Variants in BLTP3A observed in about 807,000 individuals in gnomAD.
BLTP3A encodes bridge-like lipid transfer protein family member 3A.
the BLTP3A span, among the ~76,000 whole-genome samples, chr6:34,861,312 G>A: frequency 1.3e-5 from 2 of 152,098 alleles, no homozygotes; most frequent in Non-Finnish European, 2.9e-5. Context: ...TTTTGGTAGA[G>A]ATGGGGTTTT....
chr6:34,821,516 C>G, the BLTP3A span: 1 of 816,448 alleles, frequency 1.2e-6, no homozygotes, highest in African/African-American at 1.7e-5. Context: ...TTCCTTCACT[C>G]CCACTGCTTC....
At chr6:34,826,415 G>A in the BLTP3A span, among the ~76,000 whole-genome samples, 2 of 150,958 alleles carry the variant, frequency 1.3e-5, no homozygotes, top group African/African-American at 2.4e-5. Context: ...CTGGAGTGCG[G>A]TGGTGCAGTC....
chr6:34,859,229 G>T, the BLTP3A span: 14 of 1,613,942 alleles, frequency 8.7e-6, no homozygotes, highest in Non-Finnish European at 1.1e-5. Flanking sequence ...CAGGACTCAG[G>T]TCCACTTGCC....
At chr6:34,852,083 G>A in the BLTP3A span, among the ~76,000 whole-genome samples, 1,287 of 151,918 alleles carry the variant, frequency 8.5e-3, 19 homozygotes, top group African/African-American at 0.027. Flanking sequence ...GCCTGGAATC[G>A]GGGACCCCAG....
At chr6:34,823,366 C>G in the BLTP3A span, 1 of 1,597,142 alleles carries the variant, frequency 6.3e-7, no homozygotes, top group Non-Finnish European at 8.6e-7. Flanking sequence ...TCTTTGAACC[C>G]TGTTATTTCC....
At chr6:34,875,045 C>CT in the BLTP3A span, 4 of 152,648 alleles carry the variant, frequency 2.6e-5, no homozygotes, top group African/African-American at 9.7e-5. Flanking sequence ...CTCTAGGGCT[C>CT]TATCTCATAG....
At chr6:34,864,329 AAAAG>A in the BLTP3A span, 2 of 983,380 alleles carry the variant, frequency 2.0e-6, no homozygotes, top group Non-Finnish European at 2.9e-6. Context: ...TCAAGACAAA[AAAAG>A]AGAGACAGAG....
At chr6:34,825,039 C>G in the BLTP3A span, among the ~76,000 whole-genome samples, 1 of 152,090 alleles carries the variant, frequency 6.6e-6, no homozygotes, top group African/African-American at 2.4e-5. Flanking sequence ...GGGTGATAGG[C>G]CTTTTAAAGC....
the BLTP3A span, chr6:34,867,489 GA>G: frequency 6.2e-7 from 1 of 1,614,190 alleles, no homozygotes; most frequent in Non-Finnish European, 8.5e-7. Flanking sequence ...TCCTGAAGGT[GA>G]ATGAGGTGTC....
At chr6:34,820,454 C>T in the BLTP3A span, among the ~76,000 whole-genome samples, 20,126 of 151,866 alleles carry the variant, frequency 0.13, 1,533 homozygotes, top group African/African-American at 0.2. Context: ...CATTGCTTTT[C>T]ATTTAATAGT....
chr6:34,830,544 C>G, the BLTP3A span, among the ~76,000 whole-genome samples: 1 of 150,980 alleles, frequency 6.6e-6, no homozygotes, highest in Non-Finnish European at 1.5e-5. Flanking sequence ...GAGCCGAGAT[C>G]ACACCACTGC....
the BLTP3A span, among the ~76,000 whole-genome samples, chr6:34,852,191 G>T: frequency 6.6e-6 from 1 of 152,108 alleles, no homozygotes; most frequent in Non-Finnish European, 1.5e-5. Flanking sequence ...CAAGCAGGAG[G>T]AGTCTCTCCT....
the BLTP3A span, among the ~76,000 whole-genome samples, chr6:34,853,875 T>A: frequency 6.6e-6 from 1 of 152,106 alleles, no homozygotes; most frequent in Non-Finnish European, 1.5e-5. Flanking sequence ...TATTTTCTTA[T>A]ATCAAGCAAA....
chr6:34,834,099 C>T, the BLTP3A span: 2 of 1,145,938 alleles, frequency 1.7e-6, no homozygotes, highest in Non-Finnish European at 2.4e-6. Context: ...AAGAACCTGT[C>T]TCAAAAAAAT....
At chr6:34,796,845 C>T in the BLTP3A span, among the ~76,000 whole-genome samples, 3 of 152,164 alleles carry the variant, frequency 2.0e-5, no homozygotes, top group African/African-American at 7.2e-5. Flanking sequence ...GCTGGGACTG[C>T]AGGTGCACGC....
At chr6:34,798,759 A>G in the BLTP3A span, among the ~76,000 whole-genome samples, 4 of 152,264 alleles carry the variant, frequency 2.6e-5, no homozygotes, top group South Asian at 8.3e-4. Context: ...TCAAATTACA[A>G]AGGTACAATG....
At chr6:34,821,974 T>G in the BLTP3A span, 9 of 1,614,216 alleles carry the variant, frequency 5.6e-6, no homozygotes, top group Non-Finnish European at 7.6e-6. Context: ...CTTTCTTGAT[T>G]GCAAGTTATC....
chr6:34,827,005 A>C, the BLTP3A span, among the ~76,000 whole-genome samples: 5 of 152,154 alleles, frequency 3.3e-5, no homozygotes, highest in Non-Finnish European at 7.3e-5. Flanking sequence ...GCTAGGAAAA[A>C]GGTATTTTTA....
the BLTP3A span, chr6:34,823,467 T>C: frequency 1.3e-6 from 1 of 776,128 alleles, no homozygotes; most frequent in East Asian, 2.5e-5. Flanking sequence ...GTAAAGAAAA[T>C]GGTATAAGAA....
Sources: allele counts gnomAD v4.1 joint callset (sites outside exome capture counted in the v4.1 genomes callset), GRCh38; gene constraint gnomAD v4.1.1; transcripts MANE v1.5; gene names NCBI Gene and HGNC (gene_info 2026-07-23, HGNC 2026-07-21).